Variants in DOP1B observed in about 807,000 individuals in gnomAD.
DOP1B encodes the protein protein DOP1B.
Under a neutral mutation model 233.5 loss-of-function variants are expected in DOP1B, and 174 were observed. The ratio of observed to expected loss-of-function variants is 0.75; its 90% confidence interval spans 0.66 to 0.85. The LOEUF (loss-of-function observed/expected upper bound fraction) is 0.85, where lower values mean the gene tolerates loss of function less well. Among genes scored for constraint, DOP1B ranks in the 40% least tolerant of loss-of-function variants. The pLI, the probability that DOP1B is intolerant of heterozygous loss-of-function variation, is 0.00. For missense variants in DOP1B, 2,652 were observed against 2,846.6 expected, an observed-to-expected ratio of 0.93 and a Z score of 1.56; for synonymous variants, 1,190 against 1,185.6, an observed-to-expected ratio of 1.00 and a Z score of -0.08.
intron 36 of DOP1B, 23 bp downstream of exon 36, chr21:36,292,256 C>CTT (rs55884666): frequency 0.049 from 64,224 of 1,311,370 alleles, 51 homozygotes; most frequent in Middle Eastern, 0.055. Context: ...CTTTTCTTTT[C>CTT]TTTTTTTTTT....
rs147200856 is a variant in DOP1B at position 36,230,817 on chromosome 21, G to T, written c.2033G>T (p.Arg678Met). 2.5e-6 allele frequency: 4 copies of T among 1,614,032 alleles called. No homozygotes were observed. The highest frequency in any genetic ancestry group is 1.7e-5 in the Admixed American group (1 of 59,988). ...TQSLAANDSS[R>M]KNSWEPKPIT... ...AGCCTGGCAGCCAATGATTCCAGCA[G>T]GAAGAACTCTTGGGAGCCCAAGCCC... The change falls in exon 14 of 37, where the codon AGG becomes ATG. Residue 678 changes from arginine to methionine, a missense_variant. Transcript: ENST00000691173.
chr21:36,215,094 T>C (rs1241317501), intron 9 of DOP1B, among the ~76,000 whole-genome samples: 2 of 152,184 alleles, frequency 1.3e-5, no homozygotes, highest in African/African-American at 4.8e-5. Flanking sequence ...GAAAATACCT[T>C]TGAGCTCCTA....
chr21:36,200,497 G>A lies in DOP1B; in HGVS notation c.487G>A (p.Asp163Asn), dbSNP rs781367855. ...CCTTGAAGAGGGCTCCGAGATCTCC[G>A]ACAGGTGCGTGGGCGTCTTGTCCAG... ...PGLEEGSEIS[D>N]RTDALLLRLS... is the part of the protein sequence containing the mutation. Residue 163 changes from aspartate to asparagine, a missense_variant, in exon 4 of 37, where the codon GAC (aspartate) becomes AAC (asparagine). By Grantham distance (23) the Asp-to-Asn change is conservative. Transcript: ENST00000691173. 26 of 1,605,228 alleles carry A rather than the reference G, an allele frequency of 1.6e-5. No individual in the cohort carries two copies. The highest frequency in any genetic ancestry group is 2.1e-5 in the Non-Finnish European group (25 of 1,177,094).
chr21:36,249,376 T>C (rs2067007630), intron 21 of DOP1B, among the ~76,000 whole-genome samples: 2 of 152,112 alleles, frequency 1.3e-5, no homozygotes, highest in Admixed American at 1.3e-4. Context: ...TGAAGTGAGC[T>C]GAGATCACGC....
chr21:36,176,103 T>TGTGTGTGTGTGTGTGTGTGC lies in DOP1B; in HGVS notation c.138+11251_138+11252insCGTGTGTGTGTGTGTGTGTG, dbSNP rs1555886164. Among the ~76,000 whole-genome samples, 485 of 142,038 alleles carry TGTGTGTGTGTGTGTGTGTGC rather than the reference T, an allele frequency of 3.4e-3. 6 individuals are homozygous for TGTGTGTGTGTGTGTGTGTGC. The highest frequency in any genetic ancestry group is 5.8e-3 in the South Asian group (26 of 4,480). The allele number at this position is 142,038 out of a possible 152,430, so 93.2% of individuals were successfully genotyped here. A position where few individuals can be genotyped will look rare whatever the true frequency, so the allele number is the denominator to read the frequency against. On this transcript the variant is annotated intron_variant, in intron 2 of 36. Coordinates refer to ENST00000691173, the MANE Select transcript of DOP1B (RefSeq NM_001320714.2). The stretch of plus-strand genomic sequence containing the variant: ...CGACTTTGGGGTGTGTGTGCGTGTG[T>TGTGTGTGTGTGTGTGTGTGC]GTGTGTGTGTGTGTGTGTGGTGATA...
intron 2 of DOP1B, among the ~76,000 whole-genome samples, chr21:36,177,450 C>T (rs1266190316): frequency 6.6e-6 from 1 of 152,176 alleles, no homozygotes; most frequent in East Asian, 1.9e-4. Context: ...TTCAGGTCTG[C>T]TGTGGGGCTG....
intron 15 of DOP1B, among the ~76,000 whole-genome samples, chr21:36,235,882 G>A (rs1183510967): frequency 2.0e-5 from 3 of 149,104 alleles, no homozygotes; most frequent in Admixed American, 6.8e-5. Flanking sequence ...GGCGGTCTAC[G>A]TAGTCAAAAA....
At chr21:36,195,633 A>G (rs1358918731) in intron 2 of DOP1B, among the ~76,000 whole-genome samples, 2 of 152,218 alleles carry the variant, frequency 1.3e-5, no homozygotes, top group Non-Finnish European at 2.9e-5. Flanking sequence ...GTCTTTTTCT[A>G]TGTCTTTTTC....
intron 2 of DOP1B, among the ~76,000 whole-genome samples, chr21:36,172,358 G>A (rs141516772): frequency 6.6e-6 from 1 of 152,196 alleles, no homozygotes; most frequent in Non-Finnish European, 1.5e-5. Context: ...GATGTGGAGG[G>A]TTTGGATGGT....
At chr21:36,201,048 G>A (rs1252946168) in intron 4 of DOP1B, among the ~76,000 whole-genome samples, 1 of 152,142 alleles carries the variant, frequency 6.6e-6, no homozygotes, top group African/African-American at 2.4e-5. Context: ...CATTAATAAG[G>A]GAGACCATAG....
chr21:36,204,843 CGGAGTTTCACCATG>C (rs2066409965), intron 4 of DOP1B, among the ~76,000 whole-genome samples: 1 of 151,776 alleles, frequency 6.6e-6, no homozygotes, highest in African/African-American at 2.4e-5. Flanking sequence ...TTAGTAGAGA[CGGAGTTTCACCATG>C]TTGGCCAGGC....
Position 36,270,041 on chromosome 21 carries a change from T to C in DOP1B, c.5516T>C (p.Val1839Ala). ...ATCACTCAGAAAATCCTAGAAGCTG[T>C]GGGGAACATTGCCGGCTCTTCCTTG... The part of the protein sequence containing the change: ...QEITQKILEA[V>A]GNIAGSSLEQ... The change falls in exon 27 of 37, where the codon GTG becomes GCG. Residue 1839 changes from valine (V) to alanine (A), a missense_variant. Val to Ala is a moderately conservative substitution (Grantham distance 64). This residue lies in a region of DOP1B where 2,617 missense variants were observed against 2,794.3 expected (regional missense o/e 0.94). Transcript: ENST00000691173. 1 of 1,614,024 alleles carries C rather than the reference T, an allele frequency of 6.2e-7. No homozygotes were observed. The highest frequency in any genetic ancestry group is 8.5e-7 in the Non-Finnish European group (1 of 1,179,980).
In DOP1B at chr21:36,211,671, C is replaced by T. The variant is rs781529270; in HGVS notation, c.780+20C>T. Reference sequence around the variant, plus strand: ...TGTCTGGTAAGTAATTTGTACTCTTCTGGTAAGTCACTGGTGTTTCCCAAG... The same window carrying T: ...TGTCTGGTAAGTAATTTGTACTCTTTTGGTAAGTCACTGGTGTTTCCCAAG... On this transcript the variant is annotated intron_variant, in intron 6 of 36. Coordinates refer to ENST00000691173, the MANE Select transcript of DOP1B (RefSeq NM_001320714.2). 1.1e-5 allele frequency: 18 copies of T among 1,609,990 alleles called. No individual in the cohort carries two copies. The highest frequency in any genetic ancestry group is 1.4e-5 in the Non-Finnish European group (17 of 1,176,494).
At chr21:36,205,400 G>GT (rs1420516739) in intron 4 of DOP1B, among the ~76,000 whole-genome samples, 1 of 151,318 alleles carries the variant, frequency 6.6e-6, no homozygotes, top group African/African-American at 2.4e-5. Context: ...TTTTTGTTTT[G>GT]TTTTTTGAGA....
chr21:36,245,046 A>G lies in DOP1B; in HGVS notation c.3068-2A>G. The G allele has an allele frequency of 1.9e-6, 3 of 1,586,068 alleles. No individual in the cohort carries two copies. The highest frequency in any genetic ancestry group is 2.6e-6 in the Non-Finnish European group (3 of 1,159,726). On this transcript the variant is annotated splice_acceptor_variant, in intron 18 of 36. Coordinates refer to ENST00000691173, the MANE Select transcript of DOP1B (RefSeq NM_001320714.2). LOFTEE classifies it high-confidence loss of function. This position sits in a 1 kb window ranked among gnomAD's most constrained non-coding sequence, Gnocchi z 5.5. ...AGTCATTTGTCATCTTGTAATTTTC[A>G]GATGACTTGCACCGTTGGTTTAACA...
chr21:36,158,604 A>C (rs938805411), intron 1 of DOP1B, among the ~76,000 whole-genome samples: 2 of 152,026 alleles, frequency 1.3e-5, no homozygotes, highest in African/African-American at 4.8e-5. Context: ...GGAGATCAAG[A>C]CCATCCTGGC....
intron 18 of DOP1B, among the ~76,000 whole-genome samples, chr21:36,240,858 A>C (rs1048941592): frequency 6.6e-6 from 1 of 152,178 alleles, no homozygotes; most frequent in Non-Finnish European, 1.5e-5. Context: ...GTTTAGCTTG[A>C]GGCAGAAATT....
intron 21 of DOP1B, 139 bp downstream of exon 21, chr21:36,248,707 T>G: frequency 4.9e-4 from 403 of 825,600 alleles, no homozygotes; most frequent in Non-Finnish European, 6.3e-4. Context: ...TAGAAATCTC[T>G]AGTTCATTTG....
chr21:36,262,333 C>T (rs1352511940), intron 24 of DOP1B, among the ~76,000 whole-genome samples: 2 of 152,150 alleles, frequency 1.3e-5, no homozygotes, highest in South Asian at 2.1e-4. Context: ...GAGGAGAAAC[C>T]GCCTAGGTCA....
Sources: allele counts gnomAD v4.1 joint callset (sites outside exome capture counted in the v4.1 genomes callset), GRCh38; gene constraint gnomAD v4.1.1; regional missense constraint gnomAD v4.1.1; non-coding constraint Gnocchi (gnomAD v3.1); transcripts MANE v1.5; gene names NCBI Gene and HGNC (gene_info 2026-07-23, HGNC 2026-07-21).